The following UTRN variants were observed in gnomAD, a reference collection of about 807,000 sequenced individuals.
The protein encoded by UTRN is utrophin.
In UTRN, 283 loss-of-function variants were observed where a neutral mutation model predicts 463.9. The observed-to-expected ratio is 0.61, with a 90% CI of 0.55 to 0.67. UTRN has a LOEUF of 0.67. Among genes scored for constraint, UTRN ranks in the 30% least tolerant of loss-of-function variants. The probability of loss-of-function intolerance (pLI) is 0.00; values close to 1 mark genes in which losing one functional copy is unlikely to be tolerated. For missense variants in UTRN, 3,922 were observed against 4,084.3 expected, an observed-to-expected ratio of 0.96 and a Z score of 1.08; for synonymous variants, 1,442 against 1,431.5, an observed-to-expected ratio of 1.01 and a Z score of -0.17.
At chr6:144,441,894 T>C (rs1221011800) in intron 13 of UTRN, among the ~76,000 whole-genome samples, 1 of 152,216 alleles carries the variant, frequency 6.6e-6, no homozygotes, top group Non-Finnish European at 1.5e-5. Context: ...GGCTTGCACC[T>C]TTGCCATGGC....
rs1331354717 is a variant in UTRN at position 144,820,964 on chromosome 6, C to T, written c.9440C>T (p.Pro3147Leu). The T allele has an allele frequency of 3.1e-6, 5 of 1,613,800 alleles. No individual in the cohort carries two copies. The Admixed American group carries it at 8.3e-5, about 27-fold the overall frequency. ...FRSKKYFAKH[P>L]RLGYLPVQTV... The stretch of plus-strand genomic sequence containing the variant: ...TCGAAGAAGTACTTTGCCAAACACC[C>T]TCGACTTGGTTACCTGCCTGTCCAG... The change falls in exon 66 of 75, where the codon CCT (proline) becomes CTT (leucine). Residue 3147 changes from proline to leucine, a missense_variant. Physicochemically the swap from Pro to Leu is moderately conservative, Grantham distance 98 (BLOSUM62 -3). Transcript: ENST00000367545.
intron 54 of UTRN, among the ~76,000 whole-genome samples, chr6:144,746,446 T>C (rs1790753949): frequency 6.6e-6 from 1 of 152,192 alleles, no homozygotes; most frequent in African/African-American, 2.4e-5. Flanking sequence ...CCTAGACAGT[T>C]ACTTGAACCT....
Position 144,688,182 on chromosome 6 carries a change from C to T in UTRN, c.7652+9604C>T, listed in dbSNP as rs1448574455. Reference sequence around the variant, plus strand: ...TCTAATCTATTAAAACTTTCCACTGCGTTTTGTAATTCCTTAAATATGTAT... The same window carrying T: ...TCTAATCTATTAAAACTTTCCACTGTGTTTTGTAATTCCTTAAATATGTAT... On this transcript the variant is annotated intron_variant, in intron 52 of 74. Transcript: ENST00000367545. Among the ~76,000 whole-genome samples, 8 of 152,054 alleles carry T rather than the reference C, an allele frequency of 5.3e-5. No individual in the cohort carries two copies. The South Asian group carries it at 8.3e-4, about 16-fold the overall frequency.
At position 144,438,882 on chromosome 6, in the gene UTRN, TAGA is replaced by T; in HGVS notation, c.1384_1386del (p.Glu462del). The T allele has an allele frequency of 6.2e-7, 1 of 1,614,150 alleles. No individual in the cohort carries two copies. The highest frequency in any genetic ancestry group is 8.5e-7 in the Non-Finnish European group (1 of 1,180,016). On this transcript the variant is annotated inframe_deletion, in exon 12 of 75. Transcript: ENST00000367545. The stretch of plus-strand genomic sequence containing the variant: ...GATGTAAAATCTCTACAAAAGCTGC[TAGA>T]AGAACATAAAGTAAATCTGTCTCAT...
At chr6:144,633,976 G>A (rs1023813710) in intron 51 of UTRN, among the ~76,000 whole-genome samples, 1 of 152,242 alleles carries the variant, frequency 6.6e-6, no homozygotes, top group African/African-American at 2.4e-5. Context: ...CATTCTGCCT[G>A]CTTTTAAATG....
At chr6:144,564,152 G>T (rs1800182466) in intron 50 of UTRN, among the ~76,000 whole-genome samples, 2 of 152,150 alleles carry the variant, frequency 1.3e-5, no homozygotes. Context: ...TGCATAGGGG[G>T]AGCCTGCAAT....
chr6:144,497,215 G>A (rs747169701), intron 33 of UTRN, among the ~76,000 whole-genome samples: 6 of 152,146 alleles, frequency 3.9e-5, no homozygotes, highest in South Asian at 2.1e-4. Context: ...AGAGATGGTC[G>A]TACCTTGAAC....
At position 144,317,649 on chromosome 6, in the gene UTRN, G is replaced by A. The variant is rs543035443; in HGVS notation, c.79+25742G>A. On this transcript the variant is annotated intron_variant, in intron 2 of 74. Coordinates refer to ENST00000367545, the MANE Select transcript of UTRN (RefSeq NM_007124.3). ...TGACCTCAAGTGATCCACCCACCTC[G>A]GCCTCCCAAAGTGCTGGGATTACAG... Among the ~76,000 whole-genome samples, 257 of 152,134 alleles carry A rather than the reference G, an allele frequency of 1.7e-3. 2 individuals carry two copies. Among genetic ancestry groups the A allele is most frequent in the Non-Finnish European group, 1.8e-3 (124 of 67,972 alleles).
chr6:144,839,293 C>A lies in UTRN; in HGVS notation c.10177+9C>A, dbSNP rs545227252. On this transcript the variant is annotated intron_variant, in intron 72 of 74. Transcript: ENST00000367545. ...ACAGTTCCACCAGGCAGGTCGGTGT[C>A]CCCAGCACACAGCTCCTCTGCTGAG... 3.1e-6 allele frequency: 5 copies of A among 1,605,100 alleles called. No individual in the cohort carries two copies. The East Asian group carries it at 1.1e-4, about 36-fold the overall frequency.
chr6:144,296,492 C>T (rs1050049166), intron 2 of UTRN, among the ~76,000 whole-genome samples: 1 of 152,196 alleles, frequency 6.6e-6, no homozygotes, highest in Non-Finnish European at 1.5e-5. Context: ...GGGACCAATA[C>T]ATCCCTGGTA....
intron 37 of UTRN, among the ~76,000 whole-genome samples, chr6:144,515,885 T>C (rs2128592783): frequency 6.6e-6 from 1 of 152,338 alleles, no homozygotes. Context: ...GTGGCTGTTC[T>C]TCCTTTCTGT....
In UTRN at chr6:144,754,702, G is replaced by C. The variant is rs767813896; in HGVS notation, c.8356-18G>C. 3 of 1,609,116 alleles carry C rather than the reference G, an allele frequency of 1.9e-6. No individual in the cohort carries two copies. Among genetic ancestry groups the C allele is most frequent in the African/African-American group, 2.7e-5 (2 of 74,570 alleles). Reference sequence around the variant, plus strand: ...GGAATCAAATTATTTCCTCTGACTTGCATGTGTATGTGTGCAGGTTTCTGT... The same window carrying C: ...GGAATCAAATTATTTCCTCTGACTTCCATGTGTATGTGTGCAGGTTTCTGT... On this transcript the variant is annotated intron_variant, in intron 56 of 74. Transcript: ENST00000367545.
chr6:144,397,202 C>T (rs1427368903), intron 2 of UTRN, among the ~76,000 whole-genome samples: 1 of 151,962 alleles, frequency 6.6e-6, no homozygotes, highest in African/African-American at 2.4e-5. Flanking sequence ...CAAGATCACA[C>T]CATTGCACTC....
chr6:144,680,220 G>A (rs551245433), intron 52 of UTRN, among the ~76,000 whole-genome samples: 1 of 152,214 alleles, frequency 6.6e-6, no homozygotes, highest in East Asian at 1.9e-4. Flanking sequence ...ACTTATTTAG[G>A]AAGAATAATT....
At chr6:144,563,064 C>CA (rs1800078471) in intron 50 of UTRN, among the ~76,000 whole-genome samples, 1 of 152,084 alleles carries the variant, frequency 6.6e-6, no homozygotes, top group Non-Finnish European at 1.5e-5. Context: ...CAGATTTATT[C>CA]AGTAAGATAA....
intron 2 of UTRN, among the ~76,000 whole-genome samples, chr6:144,358,295 G>A (rs1314646700): frequency 6.6e-6 from 1 of 152,132 alleles, no homozygotes; most frequent in African/African-American, 2.4e-5. Flanking sequence ...TATCTTAACA[G>A]TTGAAATACC....
intron 2 of UTRN, among the ~76,000 whole-genome samples, chr6:144,304,538 A>C (rs1805545507): frequency 6.6e-6 from 1 of 152,192 alleles, no homozygotes; most frequent in Admixed American, 6.5e-5. Context: ...CGGGAGTGGT[A>C]CCTGACATCC....
chr6:144,673,710 T>A (rs9390188), intron 51 of UTRN, among the ~76,000 whole-genome samples: 18,649 of 152,062 alleles, frequency 0.12, 1,659 homozygotes, highest in East Asian at 0.51. Context: ...TACCCTTTTT[T>A]AAAAAATTGT....
At chr6:144,558,989 G>A (rs898050999) in intron 50 of UTRN, among the ~76,000 whole-genome samples, 5 of 151,970 alleles carry the variant, frequency 3.3e-5, no homozygotes, top group Admixed American at 1.3e-4. Flanking sequence ...CTCTGTCTTT[G>A]TGTTTCCAAA....
Sources: allele counts gnomAD v4.1 joint callset (sites outside exome capture counted in the v4.1 genomes callset), GRCh38; gene constraint gnomAD v4.1.1; transcripts MANE v1.5; gene names NCBI Gene and HGNC (gene_info 2026-07-23, HGNC 2026-07-21).